FARP1: variants seen among roughly 807,000 people sequenced by gnomAD.
FARP1 encodes the protein FERM, ARHGEF and pleckstrin domain-containing protein 1.
Under a neutral mutation model 128.8 loss-of-function variants are expected in FARP1, and 52 were observed. The ratio of observed to expected loss-of-function variants is 0.40; its 90% CI spans 0.32 to 0.51. FARP1 has a LOEUF of 0.51. Among genes scored for constraint, FARP1 ranks in the 20% least tolerant of loss-of-function variants. The pLI is 0.45. For synonymous variants in FARP1, 580 were observed against 551.8 expected, an observed-to-expected ratio of 1.05 and a Z score of -0.72; for missense variants, 1,333 against 1,367.9, an observed-to-expected ratio of 0.97 and a Z score of 0.40.
intron 1 of FARP1, among the ~76,000 whole-genome samples, chr13:98,174,807 G>A (rs1877884556): frequency 6.6e-6 from 1 of 152,132 alleles, no homozygotes. Flanking sequence ...AAACAACCCT[G>A]TGAGATACTA....
intron 2 of FARP1, among the ~76,000 whole-genome samples, chr13:98,307,401 G>GC (rs950727725): frequency 6.6e-6 from 1 of 152,100 alleles, no homozygotes; most frequent in Non-Finnish European, 1.5e-5. Context: ...CGCGTCCCTT[G>GC]CCCCGGTTTC....
At chr13:98,336,533 A>G (rs1272584884) in intron 2 of FARP1, among the ~76,000 whole-genome samples, 1 of 152,146 alleles carries the variant, frequency 6.6e-6, no homozygotes, top group Non-Finnish European at 1.5e-5. Flanking sequence ...TGGCCTCCCA[A>G]AGTGCTGGGA....
chr13:98,227,055 CTCA>C (rs1365550747), intron 2 of FARP1, among the ~76,000 whole-genome samples: 11 of 152,222 alleles, frequency 7.2e-5, no homozygotes, highest in African/African-American at 2.6e-4. Context: ...ATTCTCTAGC[CTCA>C]GCCTCCTGAG....
chr13:98,167,374 TAGAG>T (rs1342456375), intron 1 of FARP1, among the ~76,000 whole-genome samples: 2 of 151,756 alleles, frequency 1.3e-5, no homozygotes, highest in South Asian at 2.1e-4. Flanking sequence ...AGGTCATGCT[TAGAG>T]AGATCTGCAA....
intron 2 of FARP1, among the ~76,000 whole-genome samples, chr13:98,292,994 C>CA (rs199810220): frequency 0.027 from 4,158 of 151,918 alleles, 74 homozygotes; most frequent in African/African-American, 0.051. Flanking sequence ...CATTTCAACT[C>CA]ATGGGGTAAA....
chr13:98,217,283 A>T (rs1881122294), intron 2 of FARP1, among the ~76,000 whole-genome samples: 1 of 151,938 alleles, frequency 6.6e-6, no homozygotes, highest in African/African-American at 2.4e-5. Context: ...TGGTAAAAAA[A>T]AATGCTTGGG....
In FARP1 at chr13:98,181,261, C is replaced by T. The variant is rs544428846; in HGVS notation, c.-23-31959C>T. ...GTAATTCTGTCAGCTCACATGTTAA[C>T]GTAGCTTGGCTGTCTGAGGTTACAT... On this transcript the variant is annotated intron_variant, in intron 1 of 26. Transcript: ENST00000319562. 8.5e-5 allele frequency among the ~76,000 whole-genome samples: 13 copies of T among 152,256 alleles called. 1 individual carries two copies. In the East Asian group the frequency reaches 1.5e-3, roughly 18 times the overall value.
At chr13:98,271,818 A>C (rs1884404666) in intron 2 of FARP1, among the ~76,000 whole-genome samples, 1 of 152,134 alleles carries the variant, frequency 6.6e-6, no homozygotes, top group Non-Finnish European at 1.5e-5. Context: ...CACTGATTTG[A>C]TAGACTGTAT....
intron 2 of FARP1, among the ~76,000 whole-genome samples, chr13:98,323,942 T>C (rs564915182): frequency 6.6e-6 from 1 of 152,224 alleles, no homozygotes; most frequent in African/African-American, 2.4e-5. Context: ...AGAACCAGAA[T>C]TGAATTTAGT....
At chr13:98,282,031 G>A (rs753810939) in intron 2 of FARP1, among the ~76,000 whole-genome samples, 23 of 152,178 alleles carry the variant, frequency 1.5e-4, no homozygotes, top group Non-Finnish European at 3.4e-4. Flanking sequence ...GAGGCCGGGC[G>A]CAGTGGCTCA....
At chr13:98,260,494 T>C (rs1883824189) in intron 2 of FARP1, among the ~76,000 whole-genome samples, 1 of 152,218 alleles carries the variant, frequency 6.6e-6, no homozygotes, top group South Asian at 2.1e-4. Context: ...CTGCAGCATC[T>C]GAAAGACCCA....
chr13:98,249,746 G>C (rs1008004856), intron 2 of FARP1, among the ~76,000 whole-genome samples: 2 of 152,070 alleles, frequency 1.3e-5, no homozygotes, highest in African/African-American at 4.8e-5. Context: ...ACCTGTCTTT[G>C]AGCATTATAG....
intron 2 of FARP1, among the ~76,000 whole-genome samples, chr13:98,297,141 A>G (rs1885731608): frequency 6.6e-6 from 1 of 152,104 alleles, no homozygotes; most frequent in Admixed American, 6.5e-5. Context: ...CTCAGGGGAG[A>G]TGCCGGATTG....
intron 1 of FARP1, among the ~76,000 whole-genome samples, chr13:98,168,460 G>A (rs1422396686): frequency 4.6e-5 from 7 of 152,176 alleles, no homozygotes; most frequent in Non-Finnish European, 1.5e-5. Context: ...TAGATATCCT[G>A]TTTCATCCTT....
At chr13:98,444,452 G>C (rs921075642) in intron 24 of FARP1, among the ~76,000 whole-genome samples, 2 of 152,166 alleles carry the variant, frequency 1.3e-5, no homozygotes, top group Admixed American at 6.5e-5. Flanking sequence ...CAAGGATGTT[G>C]ACCCTCTCGT....
chr13:98,218,329 C>G (rs1881213218), intron 2 of FARP1, among the ~76,000 whole-genome samples: 1 of 152,190 alleles, frequency 6.6e-6, no homozygotes, highest in Non-Finnish European at 1.5e-5. Flanking sequence ...ATCATGGTCT[C>G]TAATCTTGCC....
intron 2 of FARP1, among the ~76,000 whole-genome samples, chr13:98,223,153 C>T (rs1201905952): frequency 6.6e-6 from 1 of 152,172 alleles, no homozygotes; most frequent in East Asian, 1.9e-4. Context: ...AGCAGGGAGC[C>T]CCCCAGGAGT....
At chr13:98,338,856 AATAAATTTACTATAGG>A (rs1236343385) in intron 2 of FARP1, 1 of 152,230 alleles carries the variant, frequency 6.6e-6, no homozygotes, top group Non-Finnish European at 1.5e-5. Flanking sequence ...AAGCTGATGA[AATAAATTTACTATAGG>A]AACAAAAGGA....
intron 2 of FARP1, among the ~76,000 whole-genome samples, chr13:98,264,634 A>G (rs1217678814): frequency 1.3e-5 from 2 of 152,210 alleles, no homozygotes; most frequent in African/African-American, 4.8e-5. Flanking sequence ...GAAGTTCTCT[A>G]CTTAATAAGG....
Sources: gnomAD v4.1 joint callset for allele counts (sites outside exome capture counted in the v4.1 genomes callset) on GRCh38, gnomAD v4.1.1 for gene constraint, MANE v1.5 for transcripts, NCBI Gene and HGNC (gene_info 2026-07-23, HGNC 2026-07-21) for gene names.